Variants in MCC observed in about 807,000 individuals in gnomAD.
The protein encoded by MCC is MCC regulator of Wnt signaling pathway.
In MCC, 90 loss-of-function variants were observed where a neutral mutation model predicts 116.2. The observed-to-expected ratio is 0.77, with a 90% CI of 0.65 to 0.92. The LOEUF (loss-of-function observed/expected upper bound fraction) is 0.92, where lower values mean the gene tolerates loss of function less well. Among genes scored for constraint, MCC ranks in the 40% least tolerant of loss-of-function variants. The pLI, the probability that MCC is intolerant of heterozygous loss-of-function variation, is 0.00. For missense variants in MCC, 1,516 were observed against 1,312.2 expected, an observed-to-expected ratio of 1.16 and a Z score of -2.40; for synonymous variants, 578 against 510.5, an observed-to-expected ratio of 1.13 and a Z score of -1.78.
chr5:113,101,070 A>G lies in MCC; in HGVS notation c.1398+669T>C, dbSNP rs561317832. ...CTGCCGAACATTTCTATCCTGAAAC[A>G]TTAGCTCCTTCAGTAATGGATACAT... On this transcript the variant is annotated intron_variant, in intron 8 of 18. Coordinates refer to ENST00000408903, the MANE Select transcript of MCC (RefSeq NM_001085377.2). Among the ~76,000 whole-genome samples, 5 of 152,336 alleles carry G rather than the reference A, an allele frequency of 3.3e-5. No homozygotes were observed. In the South Asian group the frequency reaches 6.2e-4, roughly 19 times the overall value.
chr5:113,133,463 A>G (rs1396698938), intron 5 of MCC, among the ~76,000 whole-genome samples: 2 of 150,946 alleles, frequency 1.3e-5, no homozygotes, highest in Non-Finnish European at 2.9e-5. Flanking sequence ...CTGTGACAGG[A>G]TTTCATTCTT....
chr5:113,066,014 A>T (rs143386378), intron 13 of MCC, among the ~76,000 whole-genome samples: 1 of 152,174 alleles, frequency 6.6e-6, no homozygotes. Context: ...CAAATAAGAC[A>T]TTTTACATAC....
intron 8 of MCC, among the ~76,000 whole-genome samples, chr5:113,094,627 G>A (rs1324712459): frequency 1.3e-5 from 2 of 151,948 alleles, no homozygotes; most frequent in Non-Finnish European, 2.9e-5. Flanking sequence ...TCACTATGTT[G>A]GCCAGGCTGG....
chr5:113,459,856 A>ACACACACACACAG (rs1183295467), intron 1 of MCC, among the ~76,000 whole-genome samples: 1 of 151,476 alleles, frequency 6.6e-6, no homozygotes, highest in African/African-American at 2.4e-5. Context: ...ACACACACAC[A>ACACACACACACAG]CAGGCATGCA....
At chr5:113,099,503 A>G in intron 8 of MCC, among the ~76,000 whole-genome samples, 1 of 152,248 alleles carries the variant, frequency 6.6e-6, no homozygotes. Flanking sequence ...TTTTTTGAGC[A>G]TTTACTACGT....
chr5:113,061,782 C>A (rs537438680), intron 14 of MCC, among the ~76,000 whole-genome samples: 1 of 152,316 alleles, frequency 6.6e-6, no homozygotes, highest in East Asian at 1.9e-4. Context: ...CCTCTTGAAG[C>A]TGGGTGGTTA....
At chr5:113,194,765 C>T (rs927613507) in intron 3 of MCC, among the ~76,000 whole-genome samples, 1 of 152,090 alleles carries the variant, frequency 6.6e-6, no homozygotes, top group African/African-American at 2.4e-5. Context: ...AATGCTGCTC[C>T]GTAGAAAGAT....
intron 1 of MCC, among the ~76,000 whole-genome samples, chr5:113,480,376 C>G (rs2150435542): frequency 6.6e-6 from 1 of 152,306 alleles, no homozygotes; most frequent in East Asian, 1.9e-4. Context: ...ATATAAAATA[C>G]CATATTTCAA....
chr5:113,327,257 T>G (rs1236810106), intron 3 of MCC, among the ~76,000 whole-genome samples: 1 of 151,836 alleles, frequency 6.6e-6, no homozygotes, highest in Admixed American at 6.6e-5. Context: ...ACATTTAACA[T>G]AAATCTCAGC....
chr5:113,056,386 G>A (rs1289916096), intron 14 of MCC, among the ~76,000 whole-genome samples: 1 of 152,154 alleles, frequency 6.6e-6, no homozygotes, highest in Non-Finnish European at 1.5e-5. Context: ...CGAATACTAT[G>A]TAGCCATAAA....
intron 1 of MCC, among the ~76,000 whole-genome samples, chr5:113,393,867 T>C (rs1194696855): frequency 2.0e-5 from 3 of 152,200 alleles, no homozygotes; most frequent in African/African-American, 2.4e-5. Context: ...GAAAGGTCCA[T>C]ATCAGAATTC....
At chr5:113,333,944 G>T (rs111283496) in intron 3 of MCC, among the ~76,000 whole-genome samples, 1 of 26,156 alleles carries the variant, frequency 3.8e-5, no homozygotes, top group Non-Finnish European at 6.9e-5. Flanking sequence ...GGGAAGACAA[G>T]GAGACAAATG....
chr5:113,091,026 T>C (rs965235201), intron 8 of MCC, among the ~76,000 whole-genome samples: 1 of 152,134 alleles, frequency 6.6e-6, no homozygotes. Flanking sequence ...CGCCTGCTAG[T>C]CTAGCTGCTT....
At chr5:113,216,287 G>A (rs913829524) in intron 3 of MCC, among the ~76,000 whole-genome samples, 9 of 152,148 alleles carry the variant, frequency 5.9e-5, no homozygotes, top group African/African-American at 2.2e-4. Context: ...CTACCTTTGT[G>A]ACTGTGACTG....
At chr5:113,126,704 C>A (rs921468959) in intron 5 of MCC, among the ~76,000 whole-genome samples, 3 of 152,182 alleles carry the variant, frequency 2.0e-5, no homozygotes, top group Non-Finnish European at 2.9e-5. Flanking sequence ...TGCTTTCACA[C>A]AACCTAATAG....
chr5:113,277,133 A>C (rs1314486955), intron 3 of MCC, among the ~76,000 whole-genome samples: 2 of 151,918 alleles, frequency 1.3e-5, no homozygotes. Flanking sequence ...ACCTGAGGTC[A>C]GGAGTTCAAG....
At chr5:113,259,796 A>T (rs1292871608) in intron 3 of MCC, among the ~76,000 whole-genome samples, 1 of 152,126 alleles carries the variant, frequency 6.6e-6, no homozygotes, top group Non-Finnish European at 1.5e-5. Context: ...TTTATCACAC[A>T]CACAAAAAAT....
At chr5:113,236,223 C>T (rs1764124721) in intron 3 of MCC, among the ~76,000 whole-genome samples, 1 of 152,134 alleles carries the variant, frequency 6.6e-6, no homozygotes, top group Non-Finnish European at 1.5e-5. Flanking sequence ...AATATTGCTG[C>T]ATTTGCAGCA....
intron 6 of MCC, among the ~76,000 whole-genome samples, chr5:113,105,069 G>C (rs957203144): frequency 1.3e-5 from 2 of 152,198 alleles, no homozygotes; most frequent in Non-Finnish European, 2.9e-5. Flanking sequence ...ATATATCTTA[G>C]AAGACAATTT....
Sources: gnomAD v4.1 joint callset for allele counts (sites outside exome capture counted in the v4.1 genomes callset) on GRCh38, gnomAD v4.1.1 for gene constraint, MANE v1.5 for transcripts, NCBI Gene and HGNC (gene_info 2026-07-23, HGNC 2026-07-21) for gene names.